CPT1C: variants seen among roughly 807,000 people sequenced by gnomAD.
CPT1C encodes carnitine palmitoyltransferase 1C.
Under a neutral mutation model 97.3 loss-of-function variants are expected in CPT1C, and 61 were observed. That is an observed-to-expected ratio of 0.63 (90% CI 0.51 to 0.78). The LOEUF (loss-of-function observed/expected upper bound fraction) is 0.78. Among genes scored for constraint, CPT1C ranks in the 30% least tolerant of loss-of-function variants. The pLI is 0.00. For synonymous variants in CPT1C, 469 were observed against 447.2 expected (o/e 1.05, Z -0.61); for missense variants, 975 against 1,065.5 (o/e 0.92, Z 1.18).
rs756954947 is a variant in CPT1C at position 49,700,795 on chromosome 19, C to T, written c.393C>T (p.Ser131=). 8 of 1,613,414 alleles carry T rather than the reference C, an allele frequency of 5.0e-6. No homozygotes were observed. Among genetic ancestry groups the T allele is most frequent in the Non-Finnish European group, 6.8e-6 (8 of 1,180,034 alleles). ...TLHVALRLLL[S]YHGWLLEPHG... ...ACGTGGCCCTGAGGCTGCTTCTGTC[C>T]TACCACGGCTGGCTTCTTGAGCCCC... is the stretch of plus-strand genomic sequence containing the variant. The change falls in exon 5 of 20, where the codon TCC becomes TCT. Residue 131 remains serine, a synonymous_variant. Coordinates refer to ENST00000598293, the MANE Select transcript of CPT1C (RefSeq NM_001199753.2).
chr19:49,711,692 T>G, intron 16 of CPT1C, 117 bp from the exon 17 acceptor site: 17 of 1,075,678 alleles, frequency 1.6e-5, no homozygotes, highest in Admixed American at 2.4e-5. Context: ...AAAATGGGGT[T>G]GATATTCCCA....
intron 3 of CPT1C, among the ~76,000 whole-genome samples, chr19:49,695,530 C>T (rs941701689): frequency 2.0e-5 from 3 of 150,786 alleles, no homozygotes; most frequent in Admixed American, 1.3e-4. Flanking sequence ...GGTGATCCAC[C>T]CGCCTTGGCC....
chr19:49,701,992 A>ATATTTAT (rs1568520690), intron 7 of CPT1C, among the ~76,000 whole-genome samples: 10 of 37,902 alleles, frequency 2.6e-4, no homozygotes, highest in South Asian at 9.0e-4. Flanking sequence ...ATATATAAAT[A>ATATTTAT]TTATAAATAT....
At chr19:49,698,211 C>T (rs1194998170) in intron 4 of CPT1C, among the ~76,000 whole-genome samples, 2 of 148,730 alleles carry the variant, frequency 1.3e-5, no homozygotes. Context: ...CTAAAAATAA[C>T]AAAAAATTAG....
chr19:49,711,627 C>T, intron 16 of CPT1C, 182 bp from the exon 17 acceptor site: 1 of 655,168 alleles, frequency 1.5e-6, no homozygotes, highest in South Asian at 2.0e-5. Context: ...CTCTCCCTGG[C>T]TGTGTGAACC....
chr19:49,705,278 G>A lies in CPT1C; in HGVS notation c.944G>A (p.Arg315Gln), dbSNP rs1023533932. 4 of 1,600,526 alleles carry A rather than the reference G, an allele frequency of 2.5e-6. No individual in the cohort carries two copies. The highest frequency in any genetic ancestry group is 1.3e-5 in the African/African-American group (1 of 74,588). ...TACGAGAAGATCTTCAACACCACGC[G>A]GATTCCAGGGGTCCAAAAAGGTGAG... is the stretch of plus-strand genomic sequence containing the variant. Reference protein sequence around the residue: ...AQYEKIFNTTRIPGVQKDYIR... With the variant: ...AQYEKIFNTTQIPGVQKDYIR... Residue 315 changes from arginine (R) to glutamine (Q), a missense_variant, in exon 10 of 20, where the codon CGG becomes CAG. This residue lies in a region of CPT1C where 596 missense variants were observed against 603.1 expected (regional missense o/e 0.99). Transcript: ENST00000598293.
chr19:49,706,171 C>T lies in CPT1C; in HGVS notation c.1161-60C>T, dbSNP rs939103812. 1.2e-5 allele frequency: 19 copies of T among 1,554,858 alleles called. No individual in the cohort carries two copies. The East Asian group carries it at 3.6e-4, about 30-fold the overall frequency. On this transcript the variant is annotated intron_variant, in intron 11 of 19. Coordinates refer to ENST00000598293, the MANE Select transcript of CPT1C (RefSeq NM_001199753.2). The surrounding 1 kb of genome is among the most constrained non-coding windows in gnomAD (Gnocchi z 4.8). ...CCAGTGTCCTGAGACTGTGGAAGGG[C>T]AGGGTGGGGCCAGGTGGCGGCTGGG...
intron 17 of CPT1C, 41 bp downstream of exon 17, chr19:49,712,002 C>A: frequency 6.3e-7 from 1 of 1,595,572 alleles, no homozygotes; most frequent in South Asian, 1.1e-5. Context: ...AAGTGGGAGA[C>A]CATGGAAGAA....
chr19:49,713,350 C>A, intron 19 of CPT1C, 70 bp from the exon 20 acceptor site: 1 of 1,403,490 alleles, frequency 7.1e-7, no homozygotes, highest in East Asian at 2.3e-5. Flanking sequence ...AGGCCCTTAG[C>A]CCTCTTGTTT....
chr19:49,695,197 G>T (rs1040522430), intron 3 of CPT1C, among the ~76,000 whole-genome samples: 2 of 150,720 alleles, frequency 1.3e-5, no homozygotes, highest in African/African-American at 4.9e-5. Context: ...TACATACATA[G>T]ATACATACAT....
intron 3 of CPT1C, among the ~76,000 whole-genome samples, 157 bp from the exon 4 acceptor site, chr19:49,697,169 G>T (rs1398531251): frequency 2.0e-5 from 3 of 152,146 alleles, no homozygotes; most frequent in Non-Finnish European, 1.5e-5. Flanking sequence ...GTCTGACCTC[G>T]CTGAGGGCAG....
intron 13 of CPT1C, among the ~76,000 whole-genome samples, 170 bp downstream of exon 13, chr19:49,707,793 G>C (rs1371827357): frequency 6.6e-6 from 1 of 151,446 alleles, no homozygotes; most frequent in African/African-American, 2.4e-5. Context: ...ATGAGGTCAG[G>C]AGTTCGAGAC....
chr19:49,712,056 A>G, intron 17 of CPT1C, 95 bp downstream of exon 17: 2 of 1,465,898 alleles, frequency 1.4e-6, no homozygotes, highest in South Asian at 1.3e-5. Flanking sequence ...AAAAGGACCC[A>G]TCAAGGCCGG....
At chr19:49,705,181 G>A in intron 9 of CPT1C, 33 bp from the exon 10 acceptor site, 1 of 1,613,954 alleles carries the variant, frequency 6.2e-7, no homozygotes, top group Non-Finnish European at 8.5e-7. Flanking sequence ...CGTGGGTCCT[G>A]GAAGGCAGCT....
chr19:49,700,723 C>A lies in CPT1C; in HGVS notation c.321C>A (p.Ala107=). The A allele has an allele frequency of 6.2e-7, 1 of 1,611,816 alleles. No individual in the cohort carries two copies. Among genetic ancestry groups the A allele is most frequent in the Non-Finnish European group, 8.5e-7 (1 of 1,180,022 alleles). The change falls in exon 5 of 20, where the codon GCC becomes GCA. Residue 107 remains alanine, a synonymous_variant. Transcript: ENST00000598293. ...QHHGLRGVLA[A]ALFASCLWGA... ...ACGGGCTCCGGGGGGTCCTGGCAGC[C>A]GCGCTGTTTGCCTCGTGTTTGTGGG...
chr19:49,712,642 T>TA lies in CPT1C; in HGVS notation c.2020-85dup, dbSNP rs953289562. 415 of 903,386 alleles carry TA rather than the reference T, an allele frequency of 4.6e-4. 3 individuals are homozygous for TA. Among genetic ancestry groups the TA allele is most frequent in the South Asian group, 1.1e-3 (77 of 71,596 alleles). 56.0% of individuals were successfully genotyped at this position (903,386 alleles called of 1,614,324 possible). A position where few individuals can be genotyped will look rare whatever the true frequency, so the allele number is the denominator to read the frequency against. On this transcript the variant is annotated intron_variant, in intron 17 of 19. Transcript: ENST00000598293. ...GGAGAAGGAGGCCCGGATTTACGGG[T>TA]AAAAAAAAAGCCAGGGATGCAGGGA...
At chr19:49,702,541 A>G (rs1051959559) in intron 7 of CPT1C, among the ~76,000 whole-genome samples, 6 of 150,906 alleles carry the variant, frequency 4.0e-5, no homozygotes, top group Non-Finnish European at 8.8e-5. Flanking sequence ...GATTGCTTGA[A>G]CCCAGGAGGC....
At chr19:49,697,494 C>A (rs1413478819) in intron 4 of CPT1C, 29 bp downstream of exon 4, 1 of 1,606,592 alleles carries the variant, frequency 6.2e-7, no homozygotes, top group Non-Finnish European at 8.5e-7. Flanking sequence ...AGCCCAGTAA[C>A]CCCCAATCAC....
intron 3 of CPT1C, among the ~76,000 whole-genome samples, chr19:49,694,014 A>C (rs1400906630): frequency 6.6e-6 from 1 of 151,924 alleles, no homozygotes; most frequent in Non-Finnish European, 1.5e-5. Flanking sequence ...GCAGTGAGCC[A>C]AGATGGCGCC....
Sources: gnomAD v4.1 joint callset for allele counts (sites outside exome capture counted in the v4.1 genomes callset) on GRCh38, gnomAD v4.1.1 for gene constraint, gnomAD v4.1.1 regional missense constraint, Gnocchi (gnomAD v3.1) non-coding constraint, MANE v1.5 for transcripts, NCBI Gene and HGNC (gene_info 2026-07-23, HGNC 2026-07-21) for gene names.